RPS6KA5: variants seen among roughly 807,000 people sequenced by gnomAD.
RPS6KA5 encodes the protein ribosomal protein S6 kinase A5.
Under a neutral mutation model 85.5 loss-of-function variants are expected in RPS6KA5, and 27 were observed. The ratio of observed to expected loss-of-function variants is 0.32; its 90% CI spans 0.23 to 0.44. The LOEUF (loss-of-function observed/expected upper bound fraction) is 0.44, where lower values mean the gene tolerates loss of function less well. RPS6KA5 is among the 20% of genes least tolerant of loss of function. The pLI, the probability that RPS6KA5 is intolerant of heterozygous loss-of-function variation, is 1.00. For missense variants in RPS6KA5, 811 were observed against 980.9 expected, an observed-to-expected ratio of 0.83 and a Z score of 2.31; for synonymous variants, 334 against 348.2, an observed-to-expected ratio of 0.96 and a Z score of 0.46.
intron 3 of RPS6KA5, among the ~76,000 whole-genome samples, chr14:90,962,250 G>GC (rs962576526): frequency 2.6e-5 from 4 of 151,786 alleles, no homozygotes; most frequent in Non-Finnish European, 5.9e-5. Flanking sequence ...CCTAAATGAA[G>GC]CCCTATTAAA....
intron 5 of RPS6KA5, among the ~76,000 whole-genome samples, chr14:90,936,181 G>A (rs2037246377): frequency 6.6e-6 from 1 of 152,150 alleles, no homozygotes; most frequent in South Asian, 2.1e-4. Context: ...AGTAAAAGTA[G>A]CAAATTTTTA....
chr14:90,959,792 GAAGA>G (rs1360750966), intron 3 of RPS6KA5, among the ~76,000 whole-genome samples: 2 of 152,180 alleles, frequency 1.3e-5, no homozygotes, highest in African/African-American at 4.8e-5. Flanking sequence ...ATTCTTCTGA[GAAGA>G]GAGAATCCAC....
intron 1 of RPS6KA5, chr14:91,060,072 GT>G: frequency 1.0e-6 from 1 of 985,432 alleles, no homozygotes; most frequent in Non-Finnish European, 1.2e-6. Flanking sequence ...ACGGGCAGCG[GT>G]CGGCGGCTGC....
At chr14:90,957,107 C>T (rs1329546394) in intron 3 of RPS6KA5, among the ~76,000 whole-genome samples, 1 of 151,972 alleles carries the variant, frequency 6.6e-6, no homozygotes, top group Non-Finnish European at 1.5e-5. Context: ...CTCTGTCACC[C>T]ACACTGAAGT....
At chr14:91,014,186 A>AG (rs1288302250) in intron 1 of RPS6KA5, among the ~76,000 whole-genome samples, 1 of 152,194 alleles carries the variant, frequency 6.6e-6, no homozygotes, top group Non-Finnish European at 1.5e-5. Flanking sequence ...AAAGTAAAAA[A>AG]CATGAATGTA....
Position 91,020,534 on chromosome 14 carries a change from CTGTGTGTGTGTGTGTGTGTGTG to C in RPS6KA5, c.104-19397_104-19376del, listed in dbSNP as rs34407471. On this transcript the variant is annotated intron_variant, in intron 1 of 16. Transcript: ENST00000614987. The stretch of plus-strand genomic sequence containing the variant: ...ATCTCCTATGGATGCTAAGGAATGA[CTGTGTGTGTGTGTGTGTGTGTG>C]TGTGTGTGTGTGTGTGTGTGTGTGT... 1.9e-3 allele frequency among the ~76,000 whole-genome samples: 211 copies of C among 109,970 alleles called. 4 individuals are homozygous for C. The highest frequency in any genetic ancestry group is 3.4e-3 in the African/African-American group (88 of 26,040). 72.1% of individuals were successfully genotyped at this position (109,970 alleles called of 152,430 possible).
intron 2 of RPS6KA5, among the ~76,000 whole-genome samples, chr14:90,993,765 T>C (rs112083600): frequency 0.015 from 2,329 of 152,352 alleles, 25 homozygotes; most frequent in Middle Eastern, 0.034. Context: ...TGTATGCAAG[T>C]ACTTGTATTT....
intron 12 of RPS6KA5, among the ~76,000 whole-genome samples, chr14:90,898,053 G>A (rs1004127829): frequency 1.3e-5 from 2 of 152,186 alleles, no homozygotes; most frequent in African/African-American, 2.4e-5. Context: ...AGAGTGAGTA[G>A]AGGATGATGC....
intron 1 of RPS6KA5, among the ~76,000 whole-genome samples, chr14:91,025,820 A>AG (rs993339656): frequency 6.6e-6 from 1 of 151,802 alleles, no homozygotes; most frequent in African/African-American, 2.4e-5. Flanking sequence ...TTAAAAAAAA[A>AG]AAAAAAAGAT....
intron 1 of RPS6KA5, among the ~76,000 whole-genome samples, chr14:91,049,624 G>C (rs2042992668): frequency 6.6e-6 from 1 of 151,000 alleles, no homozygotes; most frequent in Non-Finnish European, 1.5e-5. Flanking sequence ...CAAAAAAAAA[G>C]AAAAAAGAAA....
chr14:90,990,978 A>G (rs1015018436), intron 2 of RPS6KA5, among the ~76,000 whole-genome samples: 46 of 152,308 alleles, frequency 3.0e-4, no homozygotes, highest in African/African-American at 1.1e-3. Flanking sequence ...CACCAGCGAC[A>G]GGCAATTTAT....
intron 5 of RPS6KA5, among the ~76,000 whole-genome samples, chr14:90,927,772 A>G (rs997967370): frequency 1.3e-5 from 2 of 152,134 alleles, no homozygotes; most frequent in Admixed American, 6.5e-5. Context: ...GTATTTTAAC[A>G]TATGTTTCTT....
At chr14:90,891,447 A>T (rs1417539581) in intron 13 of RPS6KA5, among the ~76,000 whole-genome samples, 2 of 152,078 alleles carry the variant, frequency 1.3e-5, no homozygotes, top group Non-Finnish European at 2.9e-5. Flanking sequence ...TATTTATCAC[A>T]TGCTTAATAC....
At chr14:90,890,013 G>C (rs946219277) in intron 14 of RPS6KA5, among the ~76,000 whole-genome samples, 2 of 152,172 alleles carry the variant, frequency 1.3e-5, no homozygotes, top group Non-Finnish European at 2.9e-5. Flanking sequence ...AGGACATTTT[G>C]TGAAAAGCAT....
At chr14:90,901,681 G>A (rs1040591715) in intron 9 of RPS6KA5, among the ~76,000 whole-genome samples, 12 of 152,134 alleles carry the variant, frequency 7.9e-5, no homozygotes, top group South Asian at 2.1e-4. Flanking sequence ...AAAAGACACC[G>A]TCTGGATGGC....
intron 2 of RPS6KA5, among the ~76,000 whole-genome samples, chr14:90,994,550 G>C (rs2140544637): frequency 6.9e-6 from 1 of 144,030 alleles, no homozygotes; most frequent in South Asian, 2.2e-4. Context: ...TTTGCTTCTT[G>C]GATGTTTGTG....
intron 1 of RPS6KA5, among the ~76,000 whole-genome samples, chr14:91,009,067 G>A (rs2041149727): frequency 2.6e-5 from 4 of 152,204 alleles, no homozygotes; most frequent in Non-Finnish European, 4.4e-5. Context: ...CACTTTCAAA[G>A]ATAAATTAAC....
chr14:91,015,678 T>A (rs140072233), intron 1 of RPS6KA5, among the ~76,000 whole-genome samples: 237 of 152,366 alleles, frequency 1.6e-3, no homozygotes, highest in African/African-American at 5.0e-3. Context: ...CCAGACTACA[T>A]GCTGCTAACA....
intron 12 of RPS6KA5, 132 bp downstream of exon 12, chr14:90,899,197 G>C: frequency 1.6e-6 from 1 of 627,084 alleles, no homozygotes; most frequent in Non-Finnish European, 2.8e-6. Context: ...TGGTTTCACT[G>C]CCCTTTCTGG....
Sources: allele counts gnomAD v4.1 joint callset (sites outside exome capture counted in the v4.1 genomes callset), GRCh38; gene constraint gnomAD v4.1.1; transcripts MANE v1.5; gene names NCBI Gene and HGNC (gene_info 2026-07-23, HGNC 2026-07-21).